Variants in FILIP1L observed in about 807,000 individuals in gnomAD.
The protein encoded by FILIP1L is filamin A-interacting protein 1-like.
Under a neutral mutation model 96.6 loss-of-function variants are expected in FILIP1L, and 55 were observed. The ratio of observed to expected loss-of-function variants is 0.57; its 90% CI spans 0.46 to 0.71. The LOEUF is 0.71. FILIP1L is among the 30% of genes least tolerant of loss of function. The pLI is 0.00. For missense variants in FILIP1L, 1,304 were observed against 1,321.2 expected (o/e 0.99, Z 0.20); for synonymous variants, 467 against 473.9 (o/e 0.99, Z 0.19).
intron 4 of FILIP1L, among the ~76,000 whole-genome samples, chr3:99,858,315 AT>A (rs1360356163): frequency 2.6e-5 from 4 of 152,100 alleles, no homozygotes; most frequent in Middle Eastern, 3.4e-3. Context: ...AATACAAAAA[AT>A]TAGCTGGGCA....
intron 1 of FILIP1L, among the ~76,000 whole-genome samples, chr3:100,076,925 T>A (rs1469869833): frequency 1.3e-5 from 2 of 152,248 alleles, no homozygotes; most frequent in East Asian, 3.8e-4. Flanking sequence ...AAAAATTACT[T>A]TTCAAATTAC....
At chr3:99,991,970 A>G (rs929716520) in intron 1 of FILIP1L, among the ~76,000 whole-genome samples, 2 of 149,112 alleles carry the variant, frequency 1.3e-5, no homozygotes, top group Non-Finnish European at 3.0e-5. Flanking sequence ...GTGTATATAT[A>G]CACACATATA....
At chr3:99,978,816 C>T (rs796322587) in intron 1 of FILIP1L, among the ~76,000 whole-genome samples, 18 of 151,846 alleles carry the variant, frequency 1.2e-4, no homozygotes, top group Admixed American at 3.3e-4. Context: ...ACCCAGGAGG[C>T]GGAGGCTGCA....
intron 5 of FILIP1L, among the ~76,000 whole-genome samples, chr3:99,838,224 A>G (rs1313619727): frequency 6.6e-6 from 1 of 152,192 alleles, no homozygotes; most frequent in African/African-American, 2.4e-5. Flanking sequence ...TTGCTTTCTC[A>G]CATCTCCTAT....
chr3:100,036,295 C>A (rs1336477467), intron 1 of FILIP1L, among the ~76,000 whole-genome samples: 2 of 152,102 alleles, frequency 1.3e-5, no homozygotes, highest in Admixed American at 1.3e-4. Context: ...AAGTAGCTGA[C>A]TGCAGGGCTG....
chr3:100,102,527 T>C (rs544135753), intron 1 of FILIP1L, among the ~76,000 whole-genome samples: 3 of 152,348 alleles, frequency 2.0e-5, no homozygotes, highest in East Asian at 3.9e-4. Context: ...CAGTATTTTA[T>C]CTGTACGTCT....
intron 3 of FILIP1L, among the ~76,000 whole-genome samples, chr3:99,927,135 G>C (rs1419545355): frequency 6.6e-6 from 1 of 152,150 alleles, no homozygotes. Flanking sequence ...CTTCAAGACT[G>C]CTTTTTTCAA....
rs548117414 is a variant in FILIP1L at position 99,848,805 on chromosome 3, T to C, written c.2871A>G (p.Val957=). The C allele has an allele frequency of 1.2e-6, 2 of 1,614,180 alleles. No individual in the cohort carries two copies. Among genetic ancestry groups the C allele is most frequent in the South Asian group, 1.1e-5 (1 of 91,076 alleles). ...GGTCTTCGGTAGAGGTTTTGGACTT[T>C]ACTGGTGTTATGGAGGCGTTTTGGA... ...TILQNASITP[V]KSKTSTEDLM... is the part of the protein sequence containing the mutation. The change falls in exon 5 of 6, where the codon GTA becomes GTG. Residue 957 remains valine (V), a synonymous_variant. Coordinates refer to ENST00000477258, the MANE Select transcript of FILIP1L (RefSeq NM_001387850.1).
intron 1 of FILIP1L, among the ~76,000 whole-genome samples, chr3:100,069,554 T>C (rs1166810890): frequency 6.6e-6 from 1 of 152,128 alleles, no homozygotes; most frequent in African/African-American, 2.4e-5. Flanking sequence ...GGAATCAATG[T>C]CACAGTCTAA....
At chr3:100,073,868 C>A (rs563787305) in intron 1 of FILIP1L, among the ~76,000 whole-genome samples, 1 of 152,200 alleles carries the variant, frequency 6.6e-6, no homozygotes, top group Non-Finnish European at 1.5e-5. Flanking sequence ...TTTTAAAACA[C>A]CAGAATTCAA....
intron 1 of FILIP1L, among the ~76,000 whole-genome samples, chr3:100,027,612 A>G (rs2064950685): frequency 1.3e-5 from 2 of 152,192 alleles, no homozygotes; most frequent in South Asian, 4.1e-4. Context: ...ATACATGCTT[A>G]TTGTTTTGTG....
Position 100,072,681 on chromosome 3 carries a change from T to C in FILIP1L, c.-11+41372A>G, listed in dbSNP as rs151257056. Among the ~76,000 whole-genome samples the C allele has an allele frequency of 7.3e-3, 1,105 of 152,328 alleles. 4 individuals carry two copies. The highest frequency in any genetic ancestry group is 0.01 in the African/African-American group (423 of 41,562). ...TGCCTTCCAGAAATATGGGATTGCT[T>C]GAACACAGCTGAAATACAGATTATC... is the stretch of plus-strand genomic sequence containing the variant. On this transcript the variant is annotated intron_variant, in intron 1 of 5. Coordinates refer to ENST00000477258, the MANE Select transcript of FILIP1L (RefSeq NM_001387850.1).
chr3:100,091,239 T>C (rs1451217263), intron 1 of FILIP1L, among the ~76,000 whole-genome samples: 1 of 147,100 alleles, frequency 6.8e-6, no homozygotes, highest in Non-Finnish European at 1.5e-5. Context: ...GAGCCGAGAT[T>C]GCGCCACTGC....
At chr3:100,025,084 CAG>C (rs1268853787) in intron 1 of FILIP1L, among the ~76,000 whole-genome samples, 1 of 152,270 alleles carries the variant, frequency 6.6e-6, no homozygotes, top group East Asian at 1.9e-4. Flanking sequence ...GATAATAAAA[CAG>C]ACTCTTTGTT....
chr3:100,043,706 T>C (rs2065240344), intron 1 of FILIP1L, among the ~76,000 whole-genome samples: 1 of 152,210 alleles, frequency 6.6e-6, no homozygotes, highest in South Asian at 2.1e-4. Flanking sequence ...TTGTGTATAT[T>C]TAGGGGATAC....
intron 1 of FILIP1L, among the ~76,000 whole-genome samples, chr3:100,073,370 G>T (rs1477828313): frequency 4.6e-5 from 7 of 152,114 alleles, no homozygotes. Flanking sequence ...AAGTTTGCTG[G>T]CCCAGGACAG....
chr3:100,093,365 C>A (rs1204862859), intron 1 of FILIP1L, among the ~76,000 whole-genome samples: 1 of 151,966 alleles, frequency 6.6e-6, no homozygotes, highest in African/African-American at 2.4e-5. Flanking sequence ...TATACTACCA[C>A]CTAGGGATAA....
intron 1 of FILIP1L, among the ~76,000 whole-genome samples, chr3:99,946,409 C>G (rs938512516): frequency 1.3e-5 from 2 of 152,126 alleles, no homozygotes; most frequent in Non-Finnish European, 2.9e-5. Flanking sequence ...AAGCAGTATC[C>G]AAAGGTCTTT....
At chr3:100,095,961 A>G (rs2066198895) in intron 1 of FILIP1L, among the ~76,000 whole-genome samples, 1 of 152,182 alleles carries the variant, frequency 6.6e-6, no homozygotes, top group Admixed American at 6.5e-5. Flanking sequence ...AATAGGCATA[A>G]GATTTGAATA....
Sources: allele counts gnomAD v4.1 joint callset (sites outside exome capture counted in the v4.1 genomes callset), GRCh38; gene constraint gnomAD v4.1.1; transcripts MANE v1.5; gene names NCBI Gene and HGNC (gene_info 2026-07-23, HGNC 2026-07-21).